The following RBFOX1 variants were observed in gnomAD, a reference collection of about 807,000 sequenced individuals.
The protein encoded by RBFOX1 is RNA binding protein fox-1 homolog 1.
RBFOX1 carries 8 observed loss-of-function variants against 57.7 expected under a neutral mutation model. The ratio of observed to expected loss-of-function variants is 0.14; its 90% confidence interval spans 0.08 to 0.25. The LOEUF is 0.25. Ranked by LOEUF, RBFOX1 falls within the 10% of genes least tolerant of loss-of-function variation. The probability of loss-of-function intolerance (pLI) is 1.00; values close to 1 mark genes in which losing one functional copy is unlikely to be tolerated. For synonymous variants in RBFOX1, 326 were observed against 222.4 expected, an observed-to-expected ratio of 1.47 and a Z score of -4.15; for missense variants, 611 against 548.5, an observed-to-expected ratio of 1.11 and a Z score of -1.14.
chr16:5,588,506 C>T (rs1596356244), intron 2 of RBFOX1, among the ~76,000 whole-genome samples: 3 of 152,102 alleles, frequency 2.0e-5, no homozygotes, highest in Non-Finnish European at 4.4e-5. Flanking sequence ...TCTAGTTTTA[C>T]AGTCCAGGCA....
At position 7,636,102 on chromosome 16, in the gene RBFOX1, G is replaced by C. The variant is rs78104906; in HGVS notation, c.757+5419G>C. On this transcript the variant is annotated intron_variant, in intron 11 of 15. Transcript: ENST00000550418. ...TGGGATTGCAGGCATGAGCCACTGC[G>C]CCCAGCCCAAGCTACCTCTTTTTCT... Among the ~76,000 whole-genome samples the C allele has an allele frequency of 2.3e-4, 35 of 152,292 alleles. No homozygotes were observed. The South Asian group carries it at 7.3e-3, about 32-fold the overall frequency.
intron 3 of RBFOX1, among the ~76,000 whole-genome samples, chr16:5,771,558 G>A (rs763211048): frequency 2.3e-4 from 35 of 152,196 alleles, no homozygotes; most frequent in East Asian, 1.5e-3. Context: ...ACAGGCATAC[G>A]CCACCATGCC....
At chr16:6,604,350 A>T (rs9931307) in intron 2 of RBFOX1, among the ~76,000 whole-genome samples, 9,802 of 151,884 alleles carry the variant, frequency 0.065, 1,050 homozygotes, top group African/African-American at 0.22. Flanking sequence ...TTTTTAATTT[A>T]TTTTTTTTAA....
At position 5,317,620 on chromosome 16, in the gene RBFOX1, C is replaced by CA. The variant is rs888497620; in HGVS notation, c.219+77523dup. 4.0e-5 allele frequency among the ~76,000 whole-genome samples: 6 copies of CA among 151,496 alleles called. No individual in the cohort carries two copies. In the East Asian group the frequency reaches 5.8e-4, roughly 15 times the overall value. ...TGAGACTCTGTCTTGAAGTGAAAAA[C>CA]AAAAAAAAGCGAACAAAAAGAAAAA... On this transcript the variant is annotated intron_variant, in intron 1 of 2. Transcript: ENST00000585867.
At chr16:5,386,272 G>C (rs1259454864) in intron 1 of RBFOX1, among the ~76,000 whole-genome samples, 2 of 152,048 alleles carry the variant, frequency 1.3e-5, no homozygotes, top group Admixed American at 1.3e-4. Flanking sequence ...TGGGTAGATA[G>C]AGCTGGGACT....
At chr16:5,746,879 G>A (rs986453331) in intron 3 of RBFOX1, among the ~76,000 whole-genome samples, 13 of 152,248 alleles carry the variant, frequency 8.5e-5, no homozygotes, top group Middle Eastern at 3.4e-3. Flanking sequence ...ATCATGTCCT[G>A]TGCAAACAGG....
chr16:6,244,029 C>T (rs1349192605), intron 1 of RBFOX1, among the ~76,000 whole-genome samples: 3 of 152,102 alleles, frequency 2.0e-5, no homozygotes, highest in Admixed American at 6.6e-5. Flanking sequence ...CTCTTAGAGC[C>T]GTGAGTGATG....
rs2052289246 is a variant in RBFOX1, at chr16:5,729,641, G to C, written c.318+130680G>C. 2.6e-5 allele frequency among the ~76,000 whole-genome samples: 4 copies of C among 152,008 alleles called. No individual in the cohort carries two copies. In the South Asian group the frequency reaches 6.2e-4, roughly 24 times the overall value. The stretch of plus-strand genomic sequence containing the variant: ...GCTCACCTGTATCTCTTCCACTAAA[G>C]GTCTCAAGCAAGGAGGAAACTGGCC... On this transcript the variant is annotated intron_variant, in intron 3 of 19. Transcript: ENST00000641259.
chr16:7,385,497 A>G (rs1021910962), intron 4 of RBFOX1, among the ~76,000 whole-genome samples: 1 of 152,220 alleles, frequency 6.6e-6, no homozygotes, highest in African/African-American at 2.4e-5. Context: ...TAATGGAGGT[A>G]TCTCAAATAG....
chr16:7,453,490 G>C (rs1363293893), intron 4 of RBFOX1, among the ~76,000 whole-genome samples: 1 of 152,172 alleles, frequency 6.6e-6, no homozygotes, highest in Non-Finnish European at 1.5e-5. Flanking sequence ...TTTAAGCATT[G>C]TAGCCTTAAA....
chr16:7,520,397 A>C (rs1600734157), intron 5 of RBFOX1, among the ~76,000 whole-genome samples: 1 of 151,988 alleles, frequency 6.6e-6, no homozygotes, highest in African/African-American at 2.4e-5. Context: ...CCAAAAGGAA[A>C]CCCCATACCC....
intron 1 of RBFOX1, among the ~76,000 whole-genome samples, chr16:6,231,724 G>A (rs1455780847): frequency 1.3e-5 from 2 of 152,048 alleles, no homozygotes; most frequent in Non-Finnish European, 2.9e-5. Context: ...AGGAGCAAGT[G>A]GTGTTGTGTA....
chr16:6,923,961 G>A (rs997573239), intron 3 of RBFOX1, among the ~76,000 whole-genome samples: 1 of 151,940 alleles, frequency 6.6e-6, no homozygotes, highest in African/African-American at 2.4e-5. Context: ...CCTGAAGTTA[G>A]GAGTTTGAGA....
intron 2 of RBFOX1, among the ~76,000 whole-genome samples, chr16:5,481,149 C>G (rs1312074105): frequency 2.0e-5 from 3 of 152,206 alleles, no homozygotes; most frequent in African/African-American, 7.2e-5. Context: ...TTCACAACCT[C>G]TGCGGAGGCA....
At chr16:6,341,083 A>C (rs1470450722) in intron 2 of RBFOX1, among the ~76,000 whole-genome samples, 2 of 152,164 alleles carry the variant, frequency 1.3e-5, no homozygotes, top group Admixed American at 1.3e-4. Flanking sequence ...AATGATCACA[A>C]ATCATTGATT....
chr16:6,879,901 C>A (rs980448781), intron 3 of RBFOX1, among the ~76,000 whole-genome samples: 1 of 152,134 alleles, frequency 6.6e-6, no homozygotes, highest in African/African-American at 2.4e-5. Flanking sequence ...TAAATCTGAT[C>A]ATTTCTTTTA....
intron 3 of RBFOX1, among the ~76,000 whole-genome samples, chr16:6,817,488 G>C (rs142385064): frequency 7.9e-4 from 117 of 147,942 alleles, no homozygotes; most frequent in African/African-American, 2.7e-3. Context: ...GAGGTCAAGA[G>C]TTCGAGACCA....
chr16:6,832,758 A>C (rs2092799413), intron 3 of RBFOX1, among the ~76,000 whole-genome samples: 1 of 152,112 alleles, frequency 6.6e-6, no homozygotes, highest in South Asian at 2.1e-4. Flanking sequence ...AACTGTCCCT[A>C]CCTGTTTGAG....
intron 3 of RBFOX1, among the ~76,000 whole-genome samples, chr16:6,708,921 G>A (rs1978293): frequency 0.14 from 20,716 of 151,728 alleles, 2,597 homozygotes; most frequent in African/African-American, 0.34. Flanking sequence ...GTCCCCAACA[G>A]CTTAAGCCAA....
Sources: allele counts gnomAD v4.1 joint callset (sites outside exome capture counted in the v4.1 genomes callset), GRCh38; gene constraint gnomAD v4.1.1; transcripts MANE v1.5; gene names NCBI Gene and HGNC (gene_info 2026-07-23, HGNC 2026-07-21).